Variants in HEXIM2 observed in about 807,000 individuals in gnomAD.
HEXIM2 encodes the protein HEXIM P-TEFb complex subunit 2, also known as protein HEXIM2.
For missense variants in HEXIM2, 413 were observed against 390.8 expected (o/e 1.06, Z -0.48); for synonymous variants, 159 against 162.7 (o/e 0.98, Z 0.17).
chr17:45,166,350 C>G (rs564514051), intron 3 of HEXIM2, among the ~76,000 whole-genome samples: 7 of 152,042 alleles, frequency 4.6e-5, no homozygotes, highest in African/African-American at 1.7e-4. Flanking sequence ...TGGTCTTGAA[C>G]TCCTGGGCTT....
upstream of HEXIM2, among the ~76,000 whole-genome samples, chr17:45,160,209 G>A (rs1439388960): frequency 6.6e-6 from 1 of 152,126 alleles, no homozygotes; most frequent in African/African-American, 2.4e-5. Flanking sequence ...ATAATGTAAG[G>A]TTAAGAGTTT....
chr17:45,167,666 G>T (rs1352446744), intron 3 of HEXIM2, among the ~76,000 whole-genome samples: 1 of 151,854 alleles, frequency 6.6e-6, no homozygotes, highest in Non-Finnish European at 1.5e-5. Context: ...TCACTCTGTC[G>T]CCCAGGCTGA....
chr17:45,160,982 C>T (rs1231752307), upstream of HEXIM2: 1 of 1,285,834 alleles, frequency 7.8e-7, no homozygotes, highest in Non-Finnish European at 1.0e-6. Context: ...CTCGGAGCCT[C>T]CAGCTGACTG....
chr17:45,169,867 C>A lies in HEXIM2; in HGVS notation c.*58C>A. ...AGGTCCCATTTCGTGCACACTCAGG[C>A]CAGCTGGGTCTCAAGGAGGCAGGTG... On this transcript the variant is annotated 3_prime_UTR_variant, in exon 4 of 4. Transcript: ENST00000589230. 1 of 1,374,466 alleles carries A rather than the reference C, an allele frequency of 7.3e-7. No individual in the cohort carries two copies. The highest frequency in any genetic ancestry group is 9.5e-7 in the Non-Finnish European group (1 of 1,055,402). 85.1% of individuals were successfully genotyped at this position (1,374,466 alleles called of 1,614,324 possible).
chr17:45,169,140 C>G lies in HEXIM2; in HGVS notation c.192C>G (p.Gly64=), dbSNP rs776571452. 1 of 1,613,926 alleles carries G rather than the reference C, an allele frequency of 6.2e-7. No individual in the cohort carries two copies. Among genetic ancestry groups the G allele is most frequent in the East Asian group, 2.2e-5 (1 of 44,874 alleles). ...EDEDLAGAVG[G]LGWNSRSPRT... ...AAGATCTTGCTGGGGCTGTCGGTGG[C>G]CTGGGCTGGAACAGTAGGAGTCCCC... The change falls in exon 4 of 4, where the codon GGC becomes GGG. Residue 64 remains glycine, a synonymous_variant. Coordinates refer to ENST00000589230, the MANE Select transcript of HEXIM2 (RefSeq NM_001303441.2).
intron 3 of HEXIM2, among the ~76,000 whole-genome samples, chr17:45,164,015 C>CTTT (rs1404232458): frequency 6.6e-6 from 1 of 150,602 alleles, no homozygotes; most frequent in Non-Finnish European, 1.5e-5. Flanking sequence ...ATTAGATGGG[C>CTTT]GTAATGACAG....
At chr17:45,161,314 G>A (rs1039204923), upstream of HEXIM2, 1 of 303,564 alleles carries the variant, frequency 3.3e-6, no homozygotes, top group Non-Finnish European at 6.7e-6. Context: ...ACGGTTTGAG[G>A]ACCGGGCTCG....
At chr17:45,160,493 T>C (rs562167133), upstream of HEXIM2, among the ~76,000 whole-genome samples, 53 of 152,234 alleles carry the variant, frequency 3.5e-4, no homozygotes, top group East Asian at 3.9e-4. Context: ...TAGTTCGTTT[T>C]TCCCTCTAGG....
chr17:45,161,913 C>A lies in HEXIM2; in HGVS notation c.-311C>A. ...CATCTTAGTGGCCTGAGCGGCTTGA[C>A]CAGAGCTGCTGCAACTGCAGCAAGA... On this transcript the variant is annotated 5_prime_UTR_variant, in exon 1 of 4. Coordinates refer to ENST00000589230, the MANE Select transcript of HEXIM2 (RefSeq NM_001303441.2). 3.0e-6 allele frequency: 3 copies of A among 985,588 alleles called. No individual in the cohort carries two copies. Among genetic ancestry groups the A allele is most frequent in the Non-Finnish European group, 3.6e-6 (3 of 830,086 alleles). The allele number at this position is 985,588 out of a possible 1,614,324, so 61.1% of individuals were successfully genotyped here.
At chr17:45,162,456 T>C (rs2042724800) in intron 1 of HEXIM2, 32 bp from the exon 2 acceptor site, 14 of 1,097,252 alleles carry the variant, frequency 1.3e-5, no homozygotes, top group Non-Finnish European at 1.6e-5. Flanking sequence ...CCTGGCTTCC[T>C]GGCTGCCAAC....
rs191030916 is a variant in HEXIM2 at position 45,163,001 on chromosome 17, C to T, written c.66+142C>T. ...CAGTACTATGCACTAGGCAATAGGC[C>T]GGAATCCCAGTCTATGCTAGCTGAT... On this transcript the variant is annotated intron_variant, in intron 3 of 3. Coordinates refer to ENST00000589230, the MANE Select transcript of HEXIM2 (RefSeq NM_001303441.2). 2.0e-4 allele frequency: 129 copies of T among 630,230 alleles called. 1 individual carries two copies. The highest frequency in any genetic ancestry group is 2.0e-3 in the African/African-American group (108 of 54,776). 39.0% of individuals were successfully genotyped at this position (630,230 alleles called of 1,614,324 possible).
At position 45,161,886 on chromosome 17, in the gene HEXIM2, C is replaced by T. The variant is rs936495071; in HGVS notation, c.-338C>T. On this transcript the variant is annotated 5_prime_UTR_variant, in exon 1 of 4. Coordinates refer to ENST00000589230, the MANE Select transcript of HEXIM2 (RefSeq NM_001303441.2). The stretch of plus-strand genomic sequence containing the variant: ...CGCGCGTCCAGGCTCTCTCTTCCCC[C>T]CCATCTTAGTGGCCTGAGCGGCTTG... The T allele has an allele frequency of 5.1e-6, 5 of 985,612 alleles. No individual in the cohort carries two copies. The Admixed American group carries it at 2.5e-4, about 49-fold the overall frequency. 61.1% of individuals were successfully genotyped at this position (985,612 alleles called of 1,614,324 possible).
chr17:45,161,910 TGACCAGAGCTGCTGCAAC>T lies in HEXIM2; in HGVS notation c.-313_-296del. On this transcript the variant is annotated 5_prime_UTR_variant, in exon 1 of 4. Coordinates refer to ENST00000589230, the MANE Select transcript of HEXIM2 (RefSeq NM_001303441.2). ...CCCCATCTTAGTGGCCTGAGCGGCT[TGACCAGAGCTGCTGCAAC>T]TGCAGCAAGAGGTAGGGCTCAGGCG... 1 of 985,570 alleles carries T rather than the reference TGACCAGAGCTGCTGCAAC, an allele frequency of 1.0e-6. No individual in the cohort carries two copies. Among genetic ancestry groups the T allele is most frequent in the South Asian group, 4.7e-5 (1 of 21,310 alleles). 61.1% of individuals were successfully genotyped at this position (985,570 alleles called of 1,614,324 possible). A position where few individuals can be genotyped will look rare whatever the true frequency, so the allele number is the denominator to read the frequency against.
At position 45,162,876 on chromosome 17, in the gene HEXIM2, C is replaced by G; in HGVS notation, c.66+17C>G. The G allele has an allele frequency of 6.5e-7, 1 of 1,547,572 alleles. No individual in the cohort carries two copies. The highest frequency in any genetic ancestry group is 8.9e-7 in the Non-Finnish European group (1 of 1,120,740). ...GAGGCCAAGGTAAGTCCCTGCCCTCCTGCCCACCCAAGCACCACGAGCACG... is the reference window on the plus strand; with the variant it reads ...GAGGCCAAGGTAAGTCCCTGCCCTCGTGCCCACCCAAGCACCACGAGCACG... On this transcript the variant is annotated intron_variant, in intron 3 of 3. Transcript: ENST00000589230.
chr17:45,169,805 C>T lies in HEXIM2; in HGVS notation c.857C>T (p.Thr286Ile). The change falls in exon 4 of 4, where the codon ACC (threonine) becomes ATC (isoleucine). Residue 286 changes from threonine to isoleucine, a missense_variant. Coordinates refer to ENST00000589230, the MANE Select transcript of HEXIM2 (RefSeq NM_001303441.2). ...EGCRCDEEPG[T>I] ...TGCCGCTGTGATGAGGAGCCGGGTA[C>T]CTAGGGGTGCCTCCCAGCCTGGTGG... The T allele has an allele frequency of 7.0e-7, 1 of 1,435,604 alleles. No individual in the cohort carries two copies. The highest frequency in any genetic ancestry group is 9.1e-7 in the Non-Finnish European group (1 of 1,096,864). The allele number at this position is 1,435,604 out of a possible 1,614,324, so 88.9% of individuals were successfully genotyped here.
At chr17:45,160,582 C>T (rs551552646), upstream of HEXIM2, 1 of 247,446 alleles carries the variant, frequency 4.0e-6, no homozygotes, top group Non-Finnish European at 8.3e-6. Context: ...ATGAAGCATA[C>T]GAAATGGGCA....
intron 3 of HEXIM2, among the ~76,000 whole-genome samples, chr17:45,167,973 A>G (rs911935442): frequency 6.6e-6 from 1 of 151,426 alleles, no homozygotes. Context: ...GCTCACTGCA[A>G]CTTCCGCCGC....
In HEXIM2 at chr17:45,169,036, C is replaced by T; in HGVS notation, c.88C>T (p.Pro30Ser). The T allele has an allele frequency of 2.5e-6, 4 of 1,612,124 alleles. No individual in the cohort carries two copies. Among genetic ancestry groups the T allele is most frequent in the Non-Finnish European group, 3.4e-6 (4 of 1,178,826 alleles). The change falls in exon 4 of 4, where the codon CCC becomes TCC. Residue 30 changes from proline (P) to serine (S), a missense_variant. Coordinates refer to ENST00000589230, the MANE Select transcript of HEXIM2 (RefSeq NM_001303441.2). ...EAKTSGAPGSPQTPPERHDSG... is the reference protein window; with the variant it reads ...EAKTSGAPGSSQTPPERHDSG... ...TTAGACCTCTGGTGCCCCGGGGAGC[C>T]CCCAAACACCCCCTGAGCGTCATGA...
Position 45,169,091 on chromosome 17 carries a change from G to A in HEXIM2, c.143G>A (p.Arg48Gln), listed in dbSNP as rs2042949353. ...GGTGGTTCCCTGCCCCTGACACCGC[G>A]GATGGAGAGCCACTCAGAGGATGAA... The part of the protein sequence containing the change: ...DSGGSLPLTP[R>Q]MESHSEDEDL... Residue 48 changes from arginine to glutamine, a missense_variant, in exon 4 of 4, where the codon CGG becomes CAG. Transcript: ENST00000589230. The A allele has an allele frequency of 2.5e-6, 4 of 1,614,040 alleles. No individual in the cohort carries two copies. Among genetic ancestry groups the A allele is most frequent in the East Asian group, 2.2e-5 (1 of 44,872 alleles).
Sources: gnomAD v4.1 joint callset for allele counts (sites outside exome capture counted in the v4.1 genomes callset) on GRCh38, gnomAD v4.1.1 for gene constraint, MANE v1.5 for transcripts, NCBI Gene and HGNC (gene_info 2026-07-23, HGNC 2026-07-21) for gene names.